The following TBCE variants were observed in gnomAD, a reference collection of about 807,000 sequenced individuals.
TBCE encodes tubulin folding cofactor E.
TBCE carries 53 observed loss-of-function variants against 77.0 expected under a neutral mutation model. That is an observed-to-expected ratio of 0.69 (90% CI 0.55 to 0.87). The LOEUF (loss-of-function observed/expected upper bound fraction) is 0.87, where lower values mean the gene tolerates loss of function less well. Among genes scored for constraint, TBCE ranks in the 40% least tolerant of loss-of-function variants. TBCE has a pLI of 0.00. For synonymous variants in TBCE, 235 were observed against 241.3 expected (o/e 0.97, Z 0.24); for missense variants, 624 against 622.4 (o/e 1.00, Z -0.03).
chr1:235,376,109 T>C (rs1677279940), intron 1 of TBCE, among the ~76,000 whole-genome samples: 2 of 152,064 alleles, frequency 1.3e-5, no homozygotes, highest in Admixed American at 6.6e-5. Flanking sequence ...TTAGACCTTA[T>C]ACCTAATGAT....
intron 5 of TBCE, among the ~76,000 whole-genome samples, 189 bp from the exon 6 acceptor site, chr1:235,426,951 A>G (rs1033255077): frequency 1.3e-5 from 2 of 152,188 alleles, no homozygotes; most frequent in African/African-American, 4.8e-5. Context: ...TGGCCTCACA[A>G]TGAACTTTTT....
intron 7 of TBCE, chr1:235,433,113 G>A (rs1681203391): frequency 3.3e-6 from 5 of 1,498,854 alleles, no homozygotes; most frequent in South Asian, 1.3e-5. Context: ...GTGAGGTCAC[G>A]GGCAGGTTTA....
At chr1:235,375,977 G>A (rs767216849) in intron 1 of TBCE, among the ~76,000 whole-genome samples, 2 of 152,106 alleles carry the variant, frequency 1.3e-5, no homozygotes, top group South Asian at 2.1e-4. Flanking sequence ...GAACCCGGGC[G>A]GTGGAGGTTG....
chr1:235,416,908 T>A (rs1469328623), intron 4 of TBCE, among the ~76,000 whole-genome samples: 3 of 152,178 alleles, frequency 2.0e-5, no homozygotes, highest in Non-Finnish European at 4.4e-5. Context: ...CTGACAGAAG[T>A]TAGAGATAGC....
chr1:235,418,040 C>T (rs551982705), intron 4 of TBCE, among the ~76,000 whole-genome samples: 1 of 152,300 alleles, frequency 6.6e-6, no homozygotes, highest in African/African-American at 2.4e-5. Context: ...CCTTGGCCTC[C>T]CAAAGTGCTG....
chr1:235,396,966 A>ATTTG (rs1678764197), intron 2 of TBCE, among the ~76,000 whole-genome samples: 1 of 150,776 alleles, frequency 6.6e-6, no homozygotes, highest in South Asian at 2.1e-4. Context: ...TTATTTATTT[A>ATTTG]TTTATTTATT....
chr1:235,383,607 GCTCT>G (rs1677817792), intron 2 of TBCE, among the ~76,000 whole-genome samples: 1 of 151,976 alleles, frequency 6.6e-6, no homozygotes. Flanking sequence ...TCATGATTTG[GCTCT>G]CTGTTTGTCT....
chr1:235,381,685 CAAAAAAAAAAAAAAAA>C (rs574997840), intron 2 of TBCE, among the ~76,000 whole-genome samples: 2 of 43,192 alleles, frequency 4.6e-5, no homozygotes, highest in Admixed American at 7.6e-4. Context: ...ACTCCTTCTC[CAAAAAAAAAAAAAAAA>C]AAAAAAAAAA....
At chr1:235,391,904 G>A (rs1678413351) in intron 2 of TBCE, among the ~76,000 whole-genome samples, 1 of 151,728 alleles carries the variant, frequency 6.6e-6, no homozygotes. Context: ...ACTGCACTCG[G>A]CCCATCTCTT....
intron 3 of TBCE, among the ~76,000 whole-genome samples, chr1:235,402,148 C>T (rs1175401261): frequency 6.6e-6 from 1 of 151,082 alleles, no homozygotes; most frequent in African/African-American, 2.4e-5. Context: ...ACTGCAACCT[C>T]CACCTCCTAG....
chr1:235,410,163 C>T (rs368686477), intron 3 of TBCE, among the ~76,000 whole-genome samples: 2 of 143,810 alleles, frequency 1.4e-5, no homozygotes, highest in South Asian at 2.1e-4. Flanking sequence ...AGGAGAATTG[C>T]TTCAACCAGG....
intron 2 of TBCE, among the ~76,000 whole-genome samples, chr1:235,389,145 A>G (rs1678215903): frequency 1.3e-5 from 2 of 152,236 alleles, no homozygotes; most frequent in Non-Finnish European, 1.5e-5. Flanking sequence ...GTACAGTAAT[A>G]TAGATAAAAG....
chr1:235,433,032 A>G (rs1558386262), intron 7 of TBCE: 4 of 1,545,540 alleles, frequency 2.6e-6, no homozygotes, highest in Non-Finnish European at 3.5e-6. Flanking sequence ...TGCTGCAGAA[A>G]TGCTCCACCA....
At chr1:235,425,625 C>T (rs1184980032) in intron 5 of TBCE, among the ~76,000 whole-genome samples, 1 of 152,132 alleles carries the variant, frequency 6.6e-6, no homozygotes, top group East Asian at 1.9e-4. Context: ...CCGTTTCAAA[C>T]AGACTTTGAA....
chr1:235,410,045 CA>C (rs560387682), intron 3 of TBCE, among the ~76,000 whole-genome samples: 1 of 143,628 alleles, frequency 7.0e-6, no homozygotes, highest in Non-Finnish European at 1.5e-5. Context: ...AAAACAAAAA[CA>C]AAAAAAACAG....
At chr1:235,401,989 A>AT (rs1251183750) in intron 3 of TBCE, among the ~76,000 whole-genome samples, 2 of 151,980 alleles carry the variant, frequency 1.3e-5, no homozygotes, top group Non-Finnish European at 2.9e-5. Context: ...GAACATCTGA[A>AT]TAGTGGAATG....
intron 1 of TBCE, among the ~76,000 whole-genome samples, chr1:235,368,353 AAAGT>A (rs1676688776): frequency 6.6e-6 from 1 of 152,102 alleles, no homozygotes; most frequent in Admixed American, 6.6e-5. Flanking sequence ...ACTGTTAGAG[AAAGT>A]TAGTGGAGGT....
chr1:235,379,947 C>A (rs1465525025), intron 1 of TBCE, 72 bp from the exon 2 acceptor site: 204 of 729,068 alleles, frequency 2.8e-4, no homozygotes, highest in African/African-American at 1.3e-3. Context: ...GACTGTGCCT[C>A]AAAAAAAAAA....
chr1:235,376,030 A>G (rs1285097929), intron 1 of TBCE, among the ~76,000 whole-genome samples: 1 of 152,144 alleles, frequency 6.6e-6, no homozygotes, highest in East Asian at 1.9e-4. Context: ...TGGGTAACAG[A>G]GCGAGACTCT....
Sources: allele counts gnomAD v4.1 joint callset (sites outside exome capture counted in the v4.1 genomes callset), GRCh38; gene constraint gnomAD v4.1.1; transcripts MANE v1.5; gene names NCBI Gene and HGNC (gene_info 2026-07-23, HGNC 2026-07-21).